MTCL1: variants seen among roughly 807,000 people sequenced by gnomAD.
The protein encoded by MTCL1 is microtubule crosslinking factor 1, also known as microtubule cross-linking factor 1.
A neutral mutation model predicts 141.4 loss-of-function variants in MTCL1; 79 were observed. The ratio of observed to expected loss-of-function variants is 0.56; its 90% confidence interval spans 0.47 to 0.67. MTCL1 has a LOEUF of 0.67. Ranked by LOEUF, MTCL1 falls within the 30% of genes least tolerant of loss-of-function variation. The pLI, the probability that MTCL1 is intolerant of heterozygous loss-of-function variation, is 0.00. For missense variants in MTCL1, 2,177 were observed against 2,113.9 expected (o/e 1.03, Z -0.59); for synonymous variants, 914 against 875.8 (o/e 1.04, Z -0.77).
intron 4 of MTCL1, among the ~76,000 whole-genome samples, chr18:8,749,905 G>A (rs898665704): frequency 1.4e-4 from 21 of 152,170 alleles, no homozygotes; most frequent in African/African-American, 4.8e-4. Flanking sequence ...GTAAAATAAA[G>A]CTTTGCTCTA....
rs1025936659 is a variant in MTCL1, at chr18:8,822,537, C to T, written c.3188+1039C>T. 3.3e-4 allele frequency among the ~76,000 whole-genome samples: 50 copies of T among 152,060 alleles called. No homozygotes were observed. The highest frequency in any genetic ancestry group is 9.8e-4 in the Admixed American group (15 of 15,272). On this transcript the variant is annotated intron_variant, in intron 14 of 16. Coordinates refer to ENST00000359865, the Ensembl canonical transcript of MTCL1. The surrounding 1 kb of genome is among the most constrained non-coding windows in gnomAD (Gnocchi z 4.6). The stretch of plus-strand genomic sequence containing the variant: ...AATTCCTGACCTCAGGTGATCCACC[C>T]GCCTCAGCCTCCCGAAGTGCTGGGA...
chr18:8,813,136 A>T, exon 12 of MTCL1: 1 of 1,614,180 alleles, frequency 6.2e-7, no homozygotes, highest in Non-Finnish European at 8.5e-7. Flanking sequence ...AGCGAGAAGA[A>T]CTGGAACCGG....
exon 10 of MTCL1, chr18:8,798,146 G>A (rs2075989293): frequency 6.3e-7 from 1 of 1,594,816 alleles, no homozygotes; most frequent in Non-Finnish European, 8.5e-7. Flanking sequence ...GGAGTCCAGG[G>A]GGGTCACCAG....
rs950340092 is a variant in MTCL1, at chr18:8,776,873, C to T, written c.358-960C>T. The stretch of plus-strand genomic sequence containing the variant: ...AACTCCTGGACTCAAACAATCTTCC[C>T]GCCTCAGTCGCCCTAGTAGCTGAGA... On this transcript the variant is annotated intron_variant, in intron 4 of 16. Coordinates refer to ENST00000359865, the Ensembl canonical transcript of MTCL1. Among the ~76,000 whole-genome samples the T allele has an allele frequency of 4.9e-4, 75 of 152,096 alleles. 2 individuals are homozygous for T. The highest frequency in any genetic ancestry group is 4.8e-5 in the African/African-American group (2 of 41,398).
chr18:8,767,514 A>G (rs1020847564), intron 4 of MTCL1, among the ~76,000 whole-genome samples: 1 of 152,184 alleles, frequency 6.6e-6, no homozygotes, highest in African/African-American at 2.4e-5. Flanking sequence ...ATTAAGCCCT[A>G]CTTTGTCCTC....
At chr18:8,831,261 G>A in intron 16 of MTCL1, 1 of 1,091,386 alleles carries the variant, frequency 9.2e-7, no homozygotes, top group South Asian at 3.0e-5. Flanking sequence ...CTACCAGATA[G>A]GAATATGATG....
At chr18:8,727,481 C>T (rs1409568865) in intron 4 of MTCL1, among the ~76,000 whole-genome samples, 3 of 152,066 alleles carry the variant, frequency 2.0e-5, no homozygotes, top group East Asian at 1.9e-4. Flanking sequence ...TTAATAACAG[C>T]CATTCTGACC....
chr18:8,706,605 C>T, exon 1 of MTCL1: 2 of 1,528,710 alleles, frequency 1.3e-6, no homozygotes, highest in Non-Finnish European at 1.8e-6. Context: ...TCCCCGGGAC[C>T]CCCAAGGAGC....
chr18:8,745,021 G>A (rs1030065793), intron 4 of MTCL1, among the ~76,000 whole-genome samples: 1 of 152,222 alleles, frequency 6.6e-6, no homozygotes, highest in Non-Finnish European at 1.5e-5. Context: ...CATTACAGCT[G>A]CCAATGGAGG....
At chr18:8,824,677 C>T (rs757758612) in intron 14 of MTCL1, 22 bp from the exon 14 acceptor site, 4 of 1,586,530 alleles carry the variant, frequency 2.5e-6, no homozygotes, top group Non-Finnish European at 3.4e-6. Context: ...GGTACTGACA[C>T]CCTCTTTTCT....
chr18:8,831,402 C>T (rs2077187277), intron 16 of MTCL1: 3 of 1,406,452 alleles, frequency 2.1e-6, no homozygotes, highest in South Asian at 1.5e-5. Context: ...TTGGTCTCTT[C>T]CCATTCATGT....
At chr18:8,714,429 C>T (rs2096113588), upstream of MTCL1, among the ~76,000 whole-genome samples, 1 of 152,088 alleles carries the variant, frequency 6.6e-6, no homozygotes, top group African/African-American at 2.4e-5. Flanking sequence ...GTGCATTGGT[C>T]CATTTTTATA....
upstream of MTCL1, among the ~76,000 whole-genome samples, chr18:8,713,239 G>C (rs2096105429): frequency 6.6e-6 from 1 of 152,064 alleles, no homozygotes; most frequent in South Asian, 2.1e-4. Context: ...ACTTTAAAAA[G>C]GTATTTAATT....
intron 4 of MTCL1, among the ~76,000 whole-genome samples, chr18:8,773,982 A>G (rs2096494953): frequency 6.6e-6 from 1 of 152,116 alleles, no homozygotes; most frequent in Non-Finnish European, 1.5e-5. Context: ...ATTTTCACCA[A>G]TTTATTTTTC....
intron 4 of MTCL1, among the ~76,000 whole-genome samples, chr18:8,746,900 T>G (rs996321607): frequency 1.3e-5 from 2 of 152,188 alleles, no homozygotes; most frequent in Non-Finnish European, 2.9e-5. Context: ...GGCAGTTCTA[T>G]TCTCAAAGAA....
In MTCL1 at chr18:8,785,980, A is replaced by AG; in HGVS notation, c.1780dup (p.Asp594GlyfsTer45). On this transcript the variant is annotated frameshift_variant, in exon 7 of 17. Transcript: ENST00000359865. LOFTEE classifies it high-confidence loss of function. ...TGGAGTGGCAGCTCGGGCCGGCCCG[A>AG]GGGGACGAGCGGGAGAGCCTGCGCC... The AG allele has an allele frequency of 1.2e-6, 2 of 1,604,050 alleles. No individual in the cohort carries two copies. Among genetic ancestry groups the AG allele is most frequent in the Non-Finnish European group, 8.5e-7 (1 of 1,176,600 alleles).
In MTCL1 at chr18:8,779,993, T is replaced by C. The variant is rs1218430229; in HGVS notation, c.417+2101T>C. Among the ~76,000 whole-genome samples, 1 of 152,050 alleles carries C rather than the reference T, an allele frequency of 6.6e-6. No homozygotes were observed. Among genetic ancestry groups the C allele is most frequent in the East Asian group, 1.9e-4 (1 of 5,182 alleles). ...AGGGTGATGGTGTGAGGTTGAAGGT[T>C]TCCAGAAATCAAGGTGATTTGAGGG... On this transcript the variant is annotated intron_variant, in intron 5 of 16. Transcript: ENST00000359865. The surrounding 1 kb of genome is among the most constrained non-coding windows in gnomAD (Gnocchi z 4.1).
chr18:8,824,925 G>T, exon 15 of MTCL1: 1 of 1,613,768 alleles, frequency 6.2e-7, no homozygotes, highest in Non-Finnish European at 8.5e-7. Flanking sequence ...GACCGAGGTG[G>T]GGCGGGCAGG....
At chr18:8,787,088 TC>T (rs1467689278) in intron 7 of MTCL1, 1 of 152,654 alleles carries the variant, frequency 6.6e-6, no homozygotes, top group African/African-American at 2.4e-5. Context: ...CCTGGATTCT[TC>T]CTAGGTCCTT....
Sources: allele counts gnomAD v4.1 joint callset (sites outside exome capture counted in the v4.1 genomes callset), GRCh38; gene constraint gnomAD v4.1.1; non-coding constraint Gnocchi (gnomAD v3.1); transcripts MANE v1.5; gene names NCBI Gene and HGNC (gene_info 2026-07-23, HGNC 2026-07-21).